PBX3: variants seen among roughly 807,000 people sequenced by gnomAD.
PBX3 encodes pre-B-cell leukemia transcription factor 3.
PBX3 carries 14 observed loss-of-function variants against 48.5 expected under a neutral mutation model. The ratio of observed to expected loss-of-function variants is 0.29; its 90% confidence interval spans 0.19 to 0.45. PBX3 has a LOEUF of 0.45. Among genes scored for constraint, PBX3 ranks in the 20% least tolerant of loss-of-function variants. The probability of loss-of-function intolerance (pLI) is 1.00; values close to 1 mark genes in which losing one functional copy is unlikely to be tolerated. For missense variants in PBX3, 386 were observed against 546.7 expected (o/e 0.71, Z 2.93); for synonymous variants, 210 against 200.3 (o/e 1.05, Z -0.41).
chr9:125,815,519 G>A (rs10986947), intron 2 of PBX3, among the ~76,000 whole-genome samples: 8,993 of 152,062 alleles, frequency 0.059, 608 homozygotes, highest in East Asian at 0.17. Context: ...TAAGCAATGT[G>A]TTCTCTAGCT....
intron 2 of PBX3, among the ~76,000 whole-genome samples, chr9:125,835,509 C>G (rs778007862): frequency 4.0e-5 from 6 of 151,756 alleles, no homozygotes; most frequent in Admixed American, 1.3e-4. Context: ...GGAACTCAAA[C>G]AACTCTATAG....
intron 2 of PBX3, among the ~76,000 whole-genome samples, chr9:125,836,003 T>C (rs1240056933): frequency 6.6e-6 from 1 of 152,190 alleles, no homozygotes; most frequent in African/African-American, 2.4e-5. Context: ...TAATACATAG[T>C]GGAATGTTAT....
In PBX3 at chr9:125,877,422, A is replaced by G. The variant is rs536358009; in HGVS notation, c.275-38264A>G. Among the ~76,000 whole-genome samples, 33 of 152,260 alleles carry G rather than the reference A, an allele frequency of 2.2e-4. No individual in the cohort carries two copies. In the East Asian group the frequency reaches 2.9e-3, roughly 13 times the overall value. On this transcript the variant is annotated intron_variant, in intron 2 of 8. Coordinates refer to ENST00000373489, the MANE Select transcript of PBX3 (RefSeq NM_006195.6). ...TCTAGGACTTGTGGCATTATAAATC[A>G]TTGTAGTATCTTCTGTCACACCAGA...
chr9:125,748,671 GTCGGAGCTACTCCTTCGAC>G, intron 2 of PBX3, 48 bp downstream of exon 2: 3 of 1,473,416 alleles, frequency 2.0e-6, no homozygotes, highest in Non-Finnish European at 2.8e-6. Context: ...CGAGGTGGGG[GTCGGAGCTACTCCTTCGAC>G]TCTCCAGTTG....
chr9:125,806,570 T>C (rs1838131569), intron 2 of PBX3, among the ~76,000 whole-genome samples: 1 of 152,150 alleles, frequency 6.6e-6, no homozygotes, highest in Non-Finnish European at 1.5e-5. Flanking sequence ...CACTCAACCA[T>C]TTGTGATGGC....
intron 2 of PBX3, among the ~76,000 whole-genome samples, chr9:125,779,964 G>A (rs1837206595): frequency 7.1e-6 from 1 of 140,036 alleles, no homozygotes; most frequent in African/African-American, 2.7e-5. Flanking sequence ...CTCCCGGACG[G>A]GGCGGCTGGC....
Position 125,905,516 on chromosome 9 carries a change from G to T in PBX3, c.275-10170G>T, listed in dbSNP as rs561358652. ...ATCTGGACTATGCTTTGAGAAGTCA[G>T]ATGTTTGTGAAAAATGTCTTTGGAT... On this transcript the variant is annotated intron_variant, in intron 2 of 8. Transcript: ENST00000373489. Among the ~76,000 whole-genome samples the T allele has an allele frequency of 1.3e-3, 203 of 152,050 alleles. 1 individual carries two copies. Among genetic ancestry groups the T allele is most frequent in the African/African-American group, 4.6e-3 (192 of 41,532 alleles).
Position 125,960,728 on chromosome 9 carries a change from C to T in PBX3, c.888C>T (p.Asn296=), listed in dbSNP as rs1460706212. Residue 296 remains asparagine, a synonymous_variant, in exon 6 of 9, where the codon AAC becomes AAT. Coordinates refer to ENST00000373489, the MANE Select transcript of PBX3 (RefSeq NM_006195.6). The part of the protein sequence containing the change: ...FGNKRIRYKK[N]IGKFQEEANL... ...ACAAACGAATCAGGTACAAGAAGAA[C>T]ATTGGCAAGTTTCAGGAAGAAGCCA... The T allele has an allele frequency of 1.9e-6, 3 of 1,614,214 alleles. No homozygotes were observed. In the East Asian group the frequency reaches 6.7e-5, roughly 36 times the overall value.
At chr9:125,899,485 A>C (rs7862715) in intron 2 of PBX3, among the ~76,000 whole-genome samples, 4,617 of 123,290 alleles carry the variant, frequency 0.037, 393 homozygotes, top group African/African-American at 0.13. Context: ...AGAGAGAGAG[A>C]GAGCTCACCC....
intron 2 of PBX3, among the ~76,000 whole-genome samples, chr9:125,755,694 T>TG (rs1772759683): frequency 7.6e-6 from 1 of 130,768 alleles, no homozygotes; most frequent in African/African-American, 2.9e-5. Flanking sequence ...TTTTTTTTTT[T>TG]GAGTTTCTCT....
chr9:125,876,416 T>G (rs1840248225), intron 2 of PBX3, among the ~76,000 whole-genome samples: 1 of 152,148 alleles, frequency 6.6e-6, no homozygotes, highest in Non-Finnish European at 1.5e-5. Context: ...CCCTTTCCTC[T>G]TCCTCCTCCT....
chr9:125,771,024 A>G (rs181262088), intron 2 of PBX3, among the ~76,000 whole-genome samples: 2 of 152,344 alleles, frequency 1.3e-5, no homozygotes, highest in South Asian at 2.1e-4. Context: ...GAGATAGTCT[A>G]GGCCTTTTCT....
chr9:125,802,521 A>C (rs981109850), intron 2 of PBX3, among the ~76,000 whole-genome samples: 5 of 151,244 alleles, frequency 3.3e-5, no homozygotes, highest in African/African-American at 1.2e-4. Flanking sequence ...AGCACACACC[A>C]CCAGGCCTAG....
intron 2 of PBX3, among the ~76,000 whole-genome samples, chr9:125,821,078 A>G (rs1195131191): frequency 6.6e-6 from 1 of 152,172 alleles, no homozygotes; most frequent in Non-Finnish European, 1.5e-5. Context: ...AGTTCCTATA[A>G]ATCTCTCAAG....
chr9:125,845,215 A>G (rs576136798), intron 2 of PBX3, among the ~76,000 whole-genome samples: 2 of 152,152 alleles, frequency 1.3e-5, no homozygotes, highest in South Asian at 4.2e-4. Context: ...TTTACTATGC[A>G]GTGTGGATGC....
chr9:125,784,504 C>T (rs1837409603), intron 2 of PBX3, among the ~76,000 whole-genome samples: 2 of 152,184 alleles, frequency 1.3e-5, no homozygotes, highest in African/African-American at 4.8e-5. Context: ...AAATCAGATT[C>T]TTCTCATTCC....
chr9:125,807,162 A>G (rs2132114017), intron 2 of PBX3, among the ~76,000 whole-genome samples: 1 of 152,260 alleles, frequency 6.6e-6, no homozygotes, highest in East Asian at 1.9e-4. Flanking sequence ...ATCTCTAGTA[A>G]AAAGTACATA....
At chr9:125,917,576 C>G (rs777369920) in intron 3 of PBX3, among the ~76,000 whole-genome samples, 1 of 151,652 alleles carries the variant, frequency 6.6e-6, no homozygotes, top group Non-Finnish European at 1.5e-5. Flanking sequence ...CCTGGCAACC[C>G]CTGATCAGTT....
intron 2 of PBX3, among the ~76,000 whole-genome samples, chr9:125,808,661 A>G (rs1045532212): frequency 3.9e-5 from 6 of 152,124 alleles, no homozygotes; most frequent in African/African-American, 1.2e-4. Flanking sequence ...GTGAGACCCA[A>G]TCTCAAAATA....
Sources: gnomAD v4.1 joint callset for allele counts (sites outside exome capture counted in the v4.1 genomes callset) on GRCh38, gnomAD v4.1.1 for gene constraint, MANE v1.5 for transcripts, NCBI Gene and HGNC (gene_info 2026-07-23, HGNC 2026-07-21) for gene names.